Variants in IQCM observed in about 807,000 individuals in gnomAD.
IQCM encodes the protein IQ domain-containing protein M.
In IQCM, 45 loss-of-function variants were observed where a neutral mutation model predicts 57.6. The ratio of observed to expected loss-of-function variants is 0.78; its 90% confidence interval spans 0.62 to 1.00. IQCM has a LOEUF of 1.00. Ranked by LOEUF, IQCM falls within the 50% of genes least tolerant of loss-of-function variation. The probability of loss-of-function intolerance (pLI) is 0.00; values close to 1 mark genes in which losing one functional copy is unlikely to be tolerated. For synonymous variants in IQCM, 148 were observed against 158.9 expected, an observed-to-expected ratio of 0.93 and a Z score of 0.51; for missense variants, 468 against 511.6, an observed-to-expected ratio of 0.91 and a Z score of 0.82.
At chr4:149,660,205 T>A (rs1311736860) in intron 7 of IQCM, among the ~76,000 whole-genome samples, 1 of 151,440 alleles carries the variant, frequency 6.6e-6, no homozygotes, top group Non-Finnish European at 1.5e-5. Context: ...AGAAGACATT[T>A]ATGCAGCCAA....
chr4:149,391,951 GC>G (rs1324213708), intron 13 of IQCM, among the ~76,000 whole-genome samples: 2 of 151,850 alleles, frequency 1.3e-5, no homozygotes, highest in Non-Finnish European at 2.9e-5. Flanking sequence ...GTATTCTGCT[GC>G]TGTTGGCTGC....
At chr4:149,550,806 T>C (rs1316877857) in intron 11 of IQCM, among the ~76,000 whole-genome samples, 1 of 152,140 alleles carries the variant, frequency 6.6e-6, no homozygotes, top group Non-Finnish European at 1.5e-5. Flanking sequence ...AACTTGCAAA[T>C]TCTGTCTCTA....
chr4:149,385,424 A>T (rs1009419718), intron 13 of IQCM, among the ~76,000 whole-genome samples: 8 of 152,104 alleles, frequency 5.3e-5, no homozygotes, highest in Non-Finnish European at 1.2e-4. Flanking sequence ...ACGAAACTCA[A>T]TAGAGGTGAC....
intron 8 of IQCM, among the ~76,000 whole-genome samples, chr4:149,590,247 CT>C (rs71596214): frequency 0.036 from 2,673 of 73,646 alleles, 20 homozygotes; most frequent in South Asian, 0.099. Flanking sequence ...TTTTTCTTTC[CT>C]TTTTTTTTTT....
intron 11 of IQCM, 127 bp from the exon 12 acceptor site, chr4:149,548,716 T>C (rs986882111): frequency 1.1e-5 from 5 of 440,208 alleles, no homozygotes; most frequent in African/African-American, 2.0e-5. Context: ...ATATCAACCT[T>C]CTGGCAAAGG....
intron 8 of IQCM, among the ~76,000 whole-genome samples, chr4:149,589,224 G>A (rs901164571): frequency 1.4e-4 from 22 of 151,972 alleles, no homozygotes; most frequent in African/African-American, 5.1e-4. Flanking sequence ...GAGTAAAATG[G>A]TTAGAGGATT....
chr4:149,609,071 T>C (rs1254454703), intron 8 of IQCM, among the ~76,000 whole-genome samples: 1 of 151,696 alleles, frequency 6.6e-6, no homozygotes, highest in Non-Finnish European at 1.5e-5. Context: ...ATTCCACTGA[T>C]ACCACAGAAA....
intron 2 of IQCM, among the ~76,000 whole-genome samples, chr4:149,778,644 A>G (rs894208144): frequency 1.3e-5 from 2 of 152,144 alleles, no homozygotes; most frequent in South Asian, 2.1e-4. Flanking sequence ...GACAAAAATT[A>G]CTAATATTAG....
At chr4:149,770,390 C>A (rs1411354015) in intron 2 of IQCM, among the ~76,000 whole-genome samples, 3 of 152,102 alleles carry the variant, frequency 2.0e-5, no homozygotes, top group African/African-American at 7.2e-5. Flanking sequence ...ATCAATTCTA[C>A]ACAGCTCTCC....
At chr4:149,685,048 G>T (rs940389854) in intron 6 of IQCM, among the ~76,000 whole-genome samples, 1 of 151,430 alleles carries the variant, frequency 6.6e-6, no homozygotes, top group African/African-American at 2.4e-5. Flanking sequence ...AGTTGCAGAA[G>T]AAACAATTCT....
At chr4:149,649,900 C>T (rs540142383) in intron 7 of IQCM, among the ~76,000 whole-genome samples, 3 of 152,134 alleles carry the variant, frequency 2.0e-5, no homozygotes, top group Non-Finnish European at 1.5e-5. Context: ...AGGAAATCCA[C>T]GTCTCAATGG....
At chr4:149,389,346 T>A (rs556010548) in intron 13 of IQCM, among the ~76,000 whole-genome samples, 29 of 152,172 alleles carry the variant, frequency 1.9e-4, no homozygotes, top group Non-Finnish European at 4.0e-4. Flanking sequence ...TTTATTGATA[T>A]GACTATCTTT....
intron 9 of IQCM, among the ~76,000 whole-genome samples, chr4:149,576,284 T>C (rs944460143): frequency 7.2e-5 from 11 of 151,772 alleles, no homozygotes; most frequent in African/African-American, 2.2e-4. Context: ...AAGTAGTTTT[T>C]TGATCCTCAC....
intron 12 of IQCM, among the ~76,000 whole-genome samples, chr4:149,527,295 T>C (rs1746255839): frequency 6.6e-6 from 1 of 152,218 alleles, no homozygotes; most frequent in African/African-American, 2.4e-5. Flanking sequence ...ATTTCCCTCT[T>C]ATTATGGATT....
In IQCM at chr4:149,369,126, C is replaced by T. The variant is rs549731258; in HGVS notation, c.1391-17060G>A. On this transcript the variant is annotated intron_variant, in intron 13 of 13. Coordinates refer to ENST00000636793, the MANE Select transcript of IQCM (RefSeq NM_001363507.2). Reference sequence around the variant, plus strand: ...ATGGCACGATCTCAGCTCACTGTGACGTCTACCTCATGAGTTCAAGTGATT... The same window carrying T: ...ATGGCACGATCTCAGCTCACTGTGATGTCTACCTCATGAGTTCAAGTGATT... 3.4e-4 allele frequency among the ~76,000 whole-genome samples: 50 copies of T among 148,644 alleles called. 1 individual carries two copies. In the South Asian group the frequency reaches 0.01, roughly 30 times the overall value.
chr4:149,562,844 C>G (rs888543574), intron 10 of IQCM, among the ~76,000 whole-genome samples: 2 of 152,152 alleles, frequency 1.3e-5, no homozygotes, highest in Non-Finnish European at 2.9e-5. Context: ...AACAGTATCA[C>G]CACATTGTCA....
intron 12 of IQCM, among the ~76,000 whole-genome samples, chr4:149,446,210 C>T (rs1251069554): frequency 1.3e-5 from 2 of 151,740 alleles, no homozygotes; most frequent in East Asian, 3.9e-4. Flanking sequence ...AAGCTGTTCA[C>T]ACTCTCTCAT....
intron 8 of IQCM, among the ~76,000 whole-genome samples, chr4:149,600,818 G>A (rs754193014): frequency 1.3e-5 from 2 of 152,114 alleles, no homozygotes; most frequent in African/African-American, 2.4e-5. Flanking sequence ...TCAGTTTGTT[G>A]AAACTGTCCA....
chr4:149,622,104 C>G (rs1023851755), intron 7 of IQCM, among the ~76,000 whole-genome samples: 2 of 152,028 alleles, frequency 1.3e-5, no homozygotes, highest in African/African-American at 4.8e-5. Flanking sequence ...AATTTATTTA[C>G]AGGATCATAA....
Sources: gnomAD v4.1 joint callset for allele counts (sites outside exome capture counted in the v4.1 genomes callset) on GRCh38, gnomAD v4.1.1 for gene constraint, MANE v1.5 for transcripts, NCBI Gene and HGNC (gene_info 2026-07-23, HGNC 2026-07-21) for gene names.